SLC12A8: variants seen among roughly 807,000 people sequenced by gnomAD.
SLC12A8 encodes the protein solute carrier family 12 member 8.
In SLC12A8, 69 loss-of-function variants were observed where a neutral mutation model predicts 75.6. That is an observed-to-expected ratio of 0.91 (90% CI 0.75 to 1.11). SLC12A8 has a LOEUF of 1.11. SLC12A8 is among the 50% of genes most tolerant of loss of function. The pLI, the probability that SLC12A8 is intolerant of heterozygous loss-of-function variation, is 0.00. For missense variants in SLC12A8, 877 were observed against 896.7 expected (o/e 0.98, Z 0.28); for synonymous variants, 365 against 372.8 (o/e 0.98, Z 0.24).
intron 6 of SLC12A8, 40 bp downstream of exon 6, chr3:125,135,628 AC>A (rs1579496053): frequency 7.5e-7 from 1 of 1,326,090 alleles, no homozygotes. Context: ...AAGAATGTAT[AC>A]CCCTAATTTG....
At chr3:125,203,529 TA>T (rs1935168270) in intron 2 of SLC12A8, among the ~76,000 whole-genome samples, 1 of 152,214 alleles carries the variant, frequency 6.6e-6, no homozygotes, top group South Asian at 2.1e-4. Flanking sequence ...GAAAACTGTA[TA>T]TCCACATGCA....
intron 9 of SLC12A8, 102 bp from the exon 10 acceptor site, chr3:125,108,228 C>A (rs1003122335): frequency 2.2e-5 from 24 of 1,105,962 alleles, no homozygotes; most frequent in Middle Eastern, 6.1e-4. Context: ...AATGACTCAG[C>A]CACTTCTCCC....
intron 4 of SLC12A8, among the ~76,000 whole-genome samples, chr3:125,184,035 C>T (rs2107792236): frequency 6.6e-6 from 1 of 152,068 alleles, no homozygotes; most frequent in Non-Finnish European, 1.5e-5. Context: ...TGCAGTGGCG[C>T]ATTCTCAGCT....
At chr3:125,172,933 C>G (rs757607896) in intron 5 of SLC12A8, among the ~76,000 whole-genome samples, 3 of 152,204 alleles carry the variant, frequency 2.0e-5, no homozygotes, top group African/African-American at 7.2e-5. Context: ...AATCACAGCA[C>G]TTTGGGAGGC....
intron 7 of SLC12A8, 45 bp from the exon 8 acceptor site, chr3:125,118,901 A>G (rs747338975): frequency 3.0e-6 from 4 of 1,314,080 alleles, no homozygotes; most frequent in East Asian, 2.3e-5. Context: ...GACTCACCTC[A>G]CCCAGCCCCA....
intron 4 of SLC12A8, among the ~76,000 whole-genome samples, chr3:125,184,240 G>A (rs746879791): frequency 6.6e-6 from 1 of 152,106 alleles, no homozygotes; most frequent in South Asian, 2.1e-4. Flanking sequence ...CAAAGTGCTG[G>A]GATTACAGGC....
At chr3:125,181,212 T>C (rs549407739) in intron 4 of SLC12A8, among the ~76,000 whole-genome samples, 24 of 152,188 alleles carry the variant, frequency 1.6e-4, no homozygotes, top group African/African-American at 5.1e-4. Context: ...TACAAAGTAA[T>C]GAAAACGAGA....
In SLC12A8 at chr3:125,085,463, A is replaced by C. The variant is rs575711792; in HGVS notation, c.1983-1411T>G. On this transcript the variant is annotated intron_variant, in intron 13 of 13. Coordinates refer to ENST00000469902, the MANE Select transcript of SLC12A8 (RefSeq NM_024628.6). ...ATTCTTCTGCCAAAACACACCCTAC[A>C]TTCTTCTTCTTCTTAGGTTTTGAAG... Among the ~76,000 whole-genome samples the C allele has an allele frequency of 8.5e-5, 13 of 152,286 alleles. No homozygotes were observed. The East Asian group carries it at 9.6e-4, about 11-fold the overall frequency.
At chr3:125,144,209 T>TC (rs1305826634) in intron 5 of SLC12A8, among the ~76,000 whole-genome samples, 2 of 152,192 alleles carry the variant, frequency 1.3e-5, no homozygotes, top group East Asian at 3.9e-4. Context: ...GCTGTCTACT[T>TC]CCGCTGCATA....
chr3:125,092,376 A>G (rs1006618655), intron 10 of SLC12A8, among the ~76,000 whole-genome samples, 178 bp from the exon 11 acceptor site: 9 of 152,166 alleles, frequency 5.9e-5, no homozygotes, highest in Non-Finnish European at 1.0e-4. Flanking sequence ...CCAGCCAAGG[A>G]TCTGAGAAAG....
chr3:125,174,961 C>G (rs188554992), intron 5 of SLC12A8, among the ~76,000 whole-genome samples: 65 of 152,194 alleles, frequency 4.3e-4, no homozygotes, highest in African/African-American at 1.5e-3. Flanking sequence ...TTAGCAATAA[C>G]ATATCAATAT....
At chr3:125,174,611 T>C (rs1934480957) in intron 5 of SLC12A8, among the ~76,000 whole-genome samples, 1 of 152,184 alleles carries the variant, frequency 6.6e-6, no homozygotes, top group Admixed American at 6.5e-5. Flanking sequence ...GGACAAACAG[T>C]GCTACATCCA....
intron 5 of SLC12A8, chr3:125,154,717 A>G (rs560440061): frequency 1.3e-5 from 2 of 152,342 alleles, no homozygotes; most frequent in Middle Eastern, 3.4e-3. Flanking sequence ...ACAAGAAGAT[A>G]TCAACCACAA....
At chr3:125,096,010 G>A (rs1376360927) in intron 10 of SLC12A8, among the ~76,000 whole-genome samples, 1 of 152,090 alleles carries the variant, frequency 6.6e-6, no homozygotes, top group East Asian at 1.9e-4. Context: ...GGCCCACATG[G>A]CCCTATACAG....
Position 125,120,639 on chromosome 3 carries a change from C to T in SLC12A8, c.784G>A (p.Ala262Thr). 1.2e-6 allele frequency: 2 copies of T among 1,613,648 alleles called. No homozygotes were observed. Among genetic ancestry groups the T allele is most frequent in the Non-Finnish European group, 1.7e-6 (2 of 1,179,898 alleles). Reference protein sequence around the residue: ...NMGGDLREPAASIPLGSLAAV... With the variant: ...NMGGDLREPATSIPLGSLAAV... Reference sequence around the variant, plus strand: ...GCCAGGGAGCCCAGGGGAATGCTGGCGGCAGGCTCCCTGAGGTCGCCCCCC... The same window carrying T: ...GCCAGGGAGCCCAGGGGAATGCTGGTGGCAGGCTCCCTGAGGTCGCCCCCC... Residue 262 changes from alanine to threonine, a missense_variant, in exon 7 of 14, where the codon GCC becomes ACC. Ala to Thr is a moderately conservative substitution (Grantham distance 58). Transcript: ENST00000469902.
chr3:125,172,273 T>TCAA (rs1170426937), intron 5 of SLC12A8, among the ~76,000 whole-genome samples: 3 of 14,280 alleles, frequency 2.1e-4, no homozygotes, highest in Non-Finnish European at 8.4e-4. Context: ...AAACTCCTTC[T>TCAA]TAAAAAAAAA....
At chr3:125,126,919 T>C (rs1228149478) in intron 6 of SLC12A8, among the ~76,000 whole-genome samples, 5 of 152,164 alleles carry the variant, frequency 3.3e-5, no homozygotes, top group Admixed American at 6.6e-5. Flanking sequence ...AAAAGGGATC[T>C]ATTACTGTTT....
rs775986495 is a variant in SLC12A8 at position 125,107,854 on chromosome 3, C to G, written c.1332G>C (p.Glu444Asp). ...CCTCCAAGACTCTTTGGGCAGGTCC[C>G]TCAGAGCCGTAACTGGGAGCTTTCT... Reference protein sequence around the residue: ...LLEKAPSYGSEGPAQRVLEGT... With the variant: ...LLEKAPSYGSDGPAQRVLEGT... The change falls in exon 10 of 14, where the codon GAG becomes GAC. Residue 444 changes from glutamate (E) to aspartate (D), a missense_variant. Glu to Asp is a conservative substitution (Grantham distance 45). Coordinates refer to ENST00000469902, the MANE Select transcript of SLC12A8 (RefSeq NM_024628.6). The G allele has an allele frequency of 6.2e-7, 1 of 1,614,188 alleles. No individual in the cohort carries two copies. Among genetic ancestry groups the G allele is most frequent in the Non-Finnish European group, 8.5e-7 (1 of 1,180,046 alleles).
Position 125,187,374 on chromosome 3 carries a change from C to G in SLC12A8, c.253G>C (p.Ala85Pro). The stretch of plus-strand genomic sequence containing the variant: ...ATGCCAGACAGCACCGTGACGAGGG[C>G]CACCAGGATGACGAAGGACACCAGG... ...MFLVSFVILV[A>P]LVTVLSGIGV... is the part of the protein sequence containing the mutation. Residue 85 changes from alanine to proline, a missense_variant, in exon 4 of 14, where the codon GCC becomes CCC. Transcript: ENST00000469902. 1 of 1,614,188 alleles carries G rather than the reference C, an allele frequency of 6.2e-7. No individual in the cohort carries two copies. Among genetic ancestry groups the G allele is most frequent in the East Asian group, 2.2e-5 (1 of 44,874 alleles).
Sources: gnomAD v4.1 joint callset for allele counts (sites outside exome capture counted in the v4.1 genomes callset) on GRCh38, gnomAD v4.1.1 for gene constraint, MANE v1.5 for transcripts, NCBI Gene and HGNC (gene_info 2026-07-23, HGNC 2026-07-21) for gene names.